Variants in CFAP58 observed in about 807,000 individuals in gnomAD.
CFAP58 encodes cilia- and flagella-associated protein 58.
CFAP58 carries 88 observed loss-of-function variants against 119.5 expected under a neutral mutation model. That is an observed-to-expected ratio of 0.74 (90% CI 0.62 to 0.88). The LOEUF (loss-of-function observed/expected upper bound fraction) is 0.88, where lower values mean the gene tolerates loss of function less well. CFAP58 is among the 40% of genes least tolerant of loss of function. CFAP58 has a pLI of 0.00. For synonymous variants in CFAP58, 365 were observed against 366.3 expected (o/e 1.00, Z 0.04); for missense variants, 990 against 1,021.2 (o/e 0.97, Z 0.42).
At chr10:104,358,077 A>G (rs1039063729) in intron 1 of CFAP58, among the ~76,000 whole-genome samples, 5 of 147,504 alleles carry the variant, frequency 3.4e-5, no homozygotes, top group Middle Eastern at 3.6e-3. Context: ...ACATATGTAC[A>G]TATATATACA....
intron 15 of CFAP58, among the ~76,000 whole-genome samples, chr10:104,438,146 G>A (rs1279089405): frequency 6.6e-6 from 1 of 152,094 alleles, no homozygotes; most frequent in Non-Finnish European, 1.5e-5. Flanking sequence ...TAACATGTCT[G>A]TATTAGTTAT....
At chr10:104,387,068 C>T (rs2011939670) in intron 9 of CFAP58, among the ~76,000 whole-genome samples, 1 of 152,182 alleles carries the variant, frequency 6.6e-6, no homozygotes, top group Non-Finnish European at 1.5e-5. Flanking sequence ...TGGCATTTGC[C>T]AGTGAGGAAG....
At chr10:104,348,651 C>A in the CFAP58 span, among the ~76,000 whole-genome samples, 45 of 152,304 alleles carry the variant, frequency 3.0e-4, no homozygotes, top group African/African-American at 1.0e-3. Flanking sequence ...GGGACCTCAC[C>A]CTGCCTAAAG....
chr10:104,357,933 A>G (rs562383102), intron 1 of CFAP58, among the ~76,000 whole-genome samples: 12 of 121,874 alleles, frequency 9.8e-5, no homozygotes, highest in African/African-American at 3.6e-4. Context: ...ACACATATAC[A>G]CACATATATG....
In CFAP58 at chr10:104,358,704, A is replaced by T. The variant is rs1589907367; in HGVS notation, c.291+82A>T. On this transcript the variant is annotated intron_variant, in intron 2 of 17. Coordinates refer to ENST00000369704, the MANE Select transcript of CFAP58 (RefSeq NM_001008723.2). ...ATATTGGCACCTCTAGGCTGGTAGT[A>T]AATGAGTTATTAGGTAAAAATTTAC... is the stretch of plus-strand genomic sequence containing the variant. 1.5e-5 allele frequency: 19 copies of T among 1,274,730 alleles called. No homozygotes were observed. In the East Asian group the frequency reaches 4.5e-4, roughly 30 times the overall value. 79.0% of individuals were successfully genotyped at this position (1,274,730 alleles called of 1,614,324 possible).
the CFAP58 span, among the ~76,000 whole-genome samples, chr10:104,345,491 GC>G: frequency 6.6e-6 from 1 of 152,064 alleles, no homozygotes; most frequent in Non-Finnish European, 1.5e-5. Flanking sequence ...AAGAGTAATT[GC>G]TGTGTGTGTG....
chr10:104,420,751 ATT>A (rs66462966), intron 15 of CFAP58, among the ~76,000 whole-genome samples: 1,541 of 121,510 alleles, frequency 0.013, 11 homozygotes, highest in Non-Finnish European at 0.018. Flanking sequence ...TTTATATTTG[ATT>A]TTTTTTTTTT....
chr10:104,380,079 G>C lies in CFAP58; in HGVS notation c.1224G>C (p.Lys408Asn). ...NATQKQTDLVKLHEQAKRNLE... is the reference protein window; with the variant it reads ...NATQKQTDLVNLHEQAKRNLE... The stretch of plus-strand genomic sequence containing the variant: ...CCCAGAAGCAGACAGACTTGGTAAA[G>C]CTCCATGAACAAGCCAAGAGGAACC... The change falls in exon 9 of 18, where the codon AAG becomes AAC. Residue 408 changes from lysine to asparagine, a missense_variant. Transcript: ENST00000369704. The C allele has an allele frequency of 1.2e-6, 2 of 1,614,108 alleles. No homozygotes were observed. Among genetic ancestry groups the C allele is most frequent in the South Asian group, 2.2e-5 (2 of 91,078 alleles).
chr10:104,346,631 G>GTATTTTTTTTT, the CFAP58 span, among the ~76,000 whole-genome samples: 1 of 94,886 alleles, frequency 1.1e-5, no homozygotes, highest in Non-Finnish European at 2.2e-5. Context: ...GAGCCATTTA[G>GTATTTTTTTTT]TCTTTTTTTT....
intron 2 of CFAP58, among the ~76,000 whole-genome samples, chr10:104,361,275 C>T (rs2014662891): frequency 1.3e-5 from 2 of 152,162 alleles, no homozygotes; most frequent in Non-Finnish European, 2.9e-5. Context: ...GCCTCCATTC[C>T]CCGTTATGGG....
At chr10:104,365,013 C>G (rs576948570) in intron 4 of CFAP58, 124 bp downstream of exon 4, 1 of 890,052 alleles carries the variant, frequency 1.1e-6, no homozygotes, top group African/African-American at 1.7e-5. Context: ...GAAACATCCT[C>G]AGTTCTGCTT....
chr10:104,376,742 C>T, intron 7 of CFAP58, 69 bp from the exon 8 acceptor site: 2 of 1,266,024 alleles, frequency 1.6e-6, no homozygotes, highest in Non-Finnish European at 2.3e-6. Flanking sequence ...TTTTGTATCA[C>T]TTCGGCTTTT....
At position 104,454,481 on chromosome 10, in the gene CFAP58, G is replaced by GT. The variant is rs1259975188; in HGVS notation, c.2574dup (p.Thr859TyrfsTer17). Reference sequence around the variant, plus strand: ...TTAATGGTCAAACCAAATGGTCCTGGTTTTACTGGGGGCGGATTTCCTCTC... The same window carrying GT: ...TTAATGGTCAAACCAAATGGTCCTGGTTTTTACTGGGGGCGGATTTCCTCTC... On this transcript the variant is annotated frameshift_variant, in exon 18 of 18. Transcript: ENST00000369704. LOFTEE classifies it high-confidence loss of function. 1 of 1,613,890 alleles carries GT rather than the reference G, an allele frequency of 6.2e-7. No individual in the cohort carries two copies. The highest frequency in any genetic ancestry group is 2.2e-5 in the East Asian group (1 of 44,874).
At chr10:104,338,922 T>G in the CFAP58 span, among the ~76,000 whole-genome samples, 1 of 151,776 alleles carries the variant, frequency 6.6e-6, no homozygotes, top group South Asian at 2.1e-4. Flanking sequence ...TTTTTTTTTT[T>G]GAGAAGGAGT....
At chr10:104,368,196 A>G (rs1008560812) in intron 5 of CFAP58, among the ~76,000 whole-genome samples, 3 of 152,246 alleles carry the variant, frequency 2.0e-5, no homozygotes, top group African/African-American at 7.2e-5. Context: ...AAAAAAAATT[A>G]TGCTCACTGT....
chr10:104,392,220 C>A lies in CFAP58; in HGVS notation c.1366-13C>A. On this transcript the variant is annotated splice_polypyrimidine_tract_variant and intron_variant, in intron 9 of 17. Transcript: ENST00000369704. ...GCTATTTAACCACATTCATATATGTCTTTCTCCTCCAGGTCCTTATGAACA... is the reference window on the plus strand; with the variant it reads ...GCTATTTAACCACATTCATATATGTATTTCTCCTCCAGGTCCTTATGAACA... The A allele has an allele frequency of 6.2e-7, 1 of 1,607,946 alleles. No homozygotes were observed. The highest frequency in any genetic ancestry group is 1.1e-5 in the South Asian group (1 of 89,702).
chr10:104,401,058 G>A (rs928046356), intron 13 of CFAP58, among the ~76,000 whole-genome samples, 155 bp downstream of exon 13: 1 of 152,200 alleles, frequency 6.6e-6, no homozygotes, highest in Non-Finnish European at 1.5e-5. Context: ...AATAAGAGCA[G>A]CTTTTCCATA....
rs761536127 is a variant in CFAP58 at position 104,400,896 on chromosome 10, G to C, written c.2032G>C (p.Glu678Gln). The C allele has an allele frequency of 1.9e-5, 31 of 1,613,358 alleles. No homozygotes were observed. In the South Asian group the frequency reaches 3.4e-4, roughly 18 times the overall value. The change falls in exon 13 of 18, where the codon GAA (glutamate) becomes CAA (glutamine). Residue 678 changes from glutamate to glutamine, a missense_variant. Coordinates refer to ENST00000369704, the MANE Select transcript of CFAP58 (RefSeq NM_001008723.2). ...TGCCAGGAGTATGGCTAATGTTGAA[G>C]AACTCAGGTAATAGATTATAGAACT... is the stretch of plus-strand genomic sequence containing the variant. ...ILARSMANVE[E>Q]LRQEFFHMQR...
chr10:104,339,281 T>G, the CFAP58 span, among the ~76,000 whole-genome samples: 1 of 152,210 alleles, frequency 6.6e-6, no homozygotes, highest in African/African-American at 2.4e-5. Context: ...ACAGGCGCGG[T>G]AGTTTCTGGT....
Sources: allele counts gnomAD v4.1 joint callset (sites outside exome capture counted in the v4.1 genomes callset), GRCh38; gene constraint gnomAD v4.1.1; transcripts MANE v1.5; gene names NCBI Gene and HGNC (gene_info 2026-07-23, HGNC 2026-07-21).